The following RALGPS2 variants were observed in gnomAD, a reference collection of about 807,000 sequenced individuals.
The protein encoded by RALGPS2 is ras-specific guanine nucleotide-releasing factor RalGPS2.
A neutral mutation model predicts 86.8 loss-of-function variants in RALGPS2; 43 were observed. The observed-to-expected ratio is 0.50, with a 90% CI of 0.39 to 0.64. RALGPS2 has a LOEUF of 0.64. Among genes scored for constraint, RALGPS2 ranks in the 30% least tolerant of loss-of-function variants. RALGPS2 has a pLI of 0.00. For missense variants in RALGPS2, 536 were observed against 694.6 expected (o/e 0.77, Z 2.57); for synonymous variants, 243 against 231.3 (o/e 1.05, Z -0.46).
At chr1:178,814,842 C>T (rs567485334) in intron 6 of RALGPS2, among the ~76,000 whole-genome samples, 4 of 152,234 alleles carry the variant, frequency 2.6e-5, no homozygotes, top group Non-Finnish European at 5.9e-5. Flanking sequence ...TGTTGCTCCA[C>T]ATCCATGTCA....
At chr1:178,730,528 A>G (rs1650275257) in intron 1 of RALGPS2, among the ~76,000 whole-genome samples, 1 of 150,892 alleles carries the variant, frequency 6.6e-6, no homozygotes, top group Non-Finnish European at 1.5e-5. Flanking sequence ...TTTTCTACAA[A>G]CTGTCCCAAT....
At chr1:178,907,982 G>A (rs1417416626) in intron 19 of RALGPS2, among the ~76,000 whole-genome samples, 1 of 152,128 alleles carries the variant, frequency 6.6e-6, no homozygotes. Context: ...GTGCAGGTTT[G>A]TTACATGGGT....
At chr1:178,914,752 G>A (rs1165696597) in intron 19 of RALGPS2, among the ~76,000 whole-genome samples, 2 of 152,028 alleles carry the variant, frequency 1.3e-5, no homozygotes, top group Non-Finnish European at 2.9e-5. Context: ...AACACTAATA[G>A]CAGTATTTAG....
At chr1:178,916,183 A>G in intron 19 of RALGPS2, 147 bp from the exon 20 acceptor site, 1 of 622,988 alleles carries the variant, frequency 1.6e-6, no homozygotes, top group Non-Finnish European at 2.8e-6. Flanking sequence ...TTAATTATTC[A>G]TAAACTATTG....
intron 4 of RALGPS2, among the ~76,000 whole-genome samples, chr1:178,804,253 C>T (rs1045484422): frequency 6.1e-5 from 8 of 132,090 alleles, no homozygotes; most frequent in East Asian, 2.3e-4. Flanking sequence ...GCTGTTTCTT[C>T]TTTTTTTTTT....
chr1:178,852,914 G>A (rs1232271665), intron 8 of RALGPS2: 24 of 1,613,318 alleles, frequency 1.5e-5, no homozygotes, highest in Non-Finnish European at 1.9e-5. Context: ...ATATTTTCCA[G>A]TCCAAGCCAG....
At chr1:178,863,442 C>T (rs1004812706) in intron 8 of RALGPS2, among the ~76,000 whole-genome samples, 1 of 152,110 alleles carries the variant, frequency 6.6e-6, no homozygotes, top group African/African-American at 2.4e-5. Context: ...AAGAAATAGT[C>T]AGTGATTTGG....
intron 4 of RALGPS2, among the ~76,000 whole-genome samples, chr1:178,788,315 CA>C (rs1653769901): frequency 6.6e-6 from 1 of 152,126 alleles, no homozygotes; most frequent in African/African-American, 2.4e-5. Flanking sequence ...CTATTTTATG[CA>C]ATTTAAAACA....
chr1:178,853,379 C>T (rs1377145782), intron 8 of RALGPS2, among the ~76,000 whole-genome samples: 1 of 152,124 alleles, frequency 6.6e-6, no homozygotes, highest in Non-Finnish European at 1.5e-5. Flanking sequence ...TGAAAGGGAT[C>T]ATTTAAAAGT....
At chr1:178,736,935 C>A (rs1650745827) in intron 1 of RALGPS2, among the ~76,000 whole-genome samples, 1 of 152,142 alleles carries the variant, frequency 6.6e-6, no homozygotes, top group Admixed American at 6.5e-5. Flanking sequence ...TACAGTTAAT[C>A]CCTAACTTAA....
intron 6 of RALGPS2, 93 bp from the exon 7 acceptor site, chr1:178,821,519 C>A: frequency 2.3e-6 from 2 of 887,398 alleles, no homozygotes; most frequent in African/African-American, 1.7e-5. Context: ...TGGAACACTA[C>A]CAGTTGCCAA....
chr1:178,853,946 C>T (rs1476474416), intron 8 of RALGPS2, among the ~76,000 whole-genome samples: 2 of 151,920 alleles, frequency 1.3e-5, no homozygotes, highest in Non-Finnish European at 2.9e-5. Context: ...AAGGGTGACT[C>T]CAGTTCTATC....
chr1:178,788,041 A>C (rs1310953282), intron 4 of RALGPS2, among the ~76,000 whole-genome samples: 2 of 152,196 alleles, frequency 1.3e-5, no homozygotes, highest in African/African-American at 4.8e-5. Flanking sequence ...TACCTTCTGC[A>C]ACCCCATCTT....
At chr1:178,842,900 A>C (rs1223749618) in intron 8 of RALGPS2, among the ~76,000 whole-genome samples, 1 of 148,978 alleles carries the variant, frequency 6.7e-6, no homozygotes, top group Non-Finnish European at 1.5e-5. Flanking sequence ...ACACATGAAA[A>C]AATGCTCACC....
chr1:178,731,815 T>G (rs545217632), intron 1 of RALGPS2, among the ~76,000 whole-genome samples: 1 of 152,094 alleles, frequency 6.6e-6, no homozygotes, highest in Non-Finnish European at 1.5e-5. Flanking sequence ...AGTTTAGAGG[T>G]CAGCAGACTT....
At chr1:178,748,955 A>C (rs1329128373) in intron 1 of RALGPS2, among the ~76,000 whole-genome samples, 2 of 151,830 alleles carry the variant, frequency 1.3e-5, no homozygotes, top group Admixed American at 1.3e-4. Context: ...AACATGTGTA[A>C]TTTATTGTGT....
intron 1 of RALGPS2, among the ~76,000 whole-genome samples, chr1:178,744,555 A>G (rs982032291): frequency 6.6e-6 from 1 of 152,186 alleles, no homozygotes; most frequent in African/African-American, 2.4e-5. Context: ...CATGCCTGTA[A>G]TGCCAGCACT....
intron 1 of RALGPS2, among the ~76,000 whole-genome samples, chr1:178,731,272 GTTTTTTTTT>G (rs57628726): frequency 1.6e-4 from 9 of 57,946 alleles, no homozygotes; most frequent in Non-Finnish European, 2.4e-4. Flanking sequence ...AGTTGTTTTG[GTTTTTTTTT>G]TTTTTTTTTT....
chr1:178,734,140 T>C (rs1650542836), intron 1 of RALGPS2, among the ~76,000 whole-genome samples: 1 of 152,078 alleles, frequency 6.6e-6, no homozygotes, highest in East Asian at 1.9e-4. Flanking sequence ...ATCAGGAAAA[T>C]GAAATCAAAA....
Sources: gnomAD v4.1 joint callset for allele counts (sites outside exome capture counted in the v4.1 genomes callset) on GRCh38, gnomAD v4.1.1 for gene constraint, MANE v1.5 for transcripts, NCBI Gene and HGNC (gene_info 2026-07-23, HGNC 2026-07-21) for gene names.